Variants in GRM1 observed in about 807,000 individuals in gnomAD.
GRM1 encodes glutamate metabotropic receptor 1, also known as metabotropic glutamate receptor 1.
In GRM1, 33 loss-of-function variants were observed where a neutral mutation model predicts 90.9. The observed-to-expected ratio is 0.36, with a 90% CI of 0.28 to 0.49. The LOEUF (loss-of-function observed/expected upper bound fraction) is 0.49. Ranked by LOEUF, GRM1 falls within the 20% of genes least tolerant of loss-of-function variation. GRM1 has a pLI of 0.99. For missense variants in GRM1, 1,190 were observed against 1,534.3 expected, an observed-to-expected ratio of 0.78 and a Z score of 3.75; for synonymous variants, 700 against 613.2, an observed-to-expected ratio of 1.14 and a Z score of -2.09.
At chr6:146,312,360 A>G (rs1180019467) in intron 3 of GRM1, among the ~76,000 whole-genome samples, 1 of 148,190 alleles carries the variant, frequency 6.7e-6, no homozygotes, top group Middle Eastern at 3.4e-3. Context: ...AAAAAAAAAA[A>G]AAAAAAAAAA....
intron 7 of GRM1, among the ~76,000 whole-genome samples, chr6:146,416,704 C>A (rs1264741623): frequency 6.6e-6 from 1 of 152,130 alleles, no homozygotes; most frequent in East Asian, 1.9e-4. Flanking sequence ...AAAACTTGTT[C>A]TGCTTCACCT....
intron 3 of GRM1, among the ~76,000 whole-genome samples, chr6:146,332,460 C>T (rs1317949964): frequency 6.6e-6 from 1 of 152,134 alleles, no homozygotes; most frequent in Non-Finnish European, 1.5e-5. Flanking sequence ...TGTCTACATC[C>T]CTTTTCGTGC....
intron 2 of GRM1, among the ~76,000 whole-genome samples, chr6:146,292,537 T>G (rs1783022750): frequency 6.6e-6 from 1 of 151,908 alleles, no homozygotes; most frequent in African/African-American, 2.4e-5. Flanking sequence ...TCATTAGCCA[T>G]TACAAAAATG....
chr6:146,159,750 A>G, intron 2 of GRM1, 153 bp downstream of exon 2: 1 of 675,138 alleles, frequency 1.5e-6, no homozygotes. Flanking sequence ...GCTGAACATT[A>G]GTTCTGGATC....
intron 3 of GRM1, among the ~76,000 whole-genome samples, chr6:146,330,206 A>G (rs1562614364): frequency 1.3e-5 from 2 of 152,198 alleles, no homozygotes; most frequent in African/African-American, 4.8e-5. Context: ...GGAGGGAAAC[A>G]TAGTGAAGAT....
At chr6:146,161,708 A>G (rs1284827726) in intron 2 of GRM1, among the ~76,000 whole-genome samples, 1 of 152,228 alleles carries the variant, frequency 6.6e-6, no homozygotes, top group Non-Finnish European at 1.5e-5. Context: ...TGCCAAGTGA[A>G]GGAAAGTGTC....
chr6:146,043,743 T>G (rs1791201547), intron 1 of GRM1, among the ~76,000 whole-genome samples: 1 of 146,358 alleles, frequency 6.8e-6, no homozygotes, highest in African/African-American at 2.5e-5. Flanking sequence ...TTTTTATAAT[T>G]GTAAAATATC....
upstream of GRM1, among the ~76,000 whole-genome samples, chr6:146,028,021 C>A (rs1790553688): frequency 1.3e-5 from 2 of 152,142 alleles, no homozygotes; most frequent in South Asian, 4.1e-4. Flanking sequence ...CTGTGCTCTC[C>A]TCGCCCGCTC....
intron 6 of GRM1, among the ~76,000 whole-genome samples, chr6:146,397,484 G>GAA (rs577471775): frequency 8.2e-4 from 37 of 45,032 alleles, no homozygotes; most frequent in Non-Finnish European, 1.5e-3. Flanking sequence ...AAAAAAAAAA[G>GAA]AAAAAAAAAA....
At chr6:146,120,041 A>G (rs138604492) in intron 1 of GRM1, among the ~76,000 whole-genome samples, 2,232 of 152,244 alleles carry the variant, frequency 0.015, 26 homozygotes, top group South Asian at 0.028. Context: ...CAGTATGGCC[A>G]TTTTCACGAT....
At chr6:146,183,440 A>C (rs1436445715) in intron 2 of GRM1, among the ~76,000 whole-genome samples, 1 of 152,132 alleles carries the variant, frequency 6.6e-6, no homozygotes, top group African/African-American at 2.4e-5. Flanking sequence ...TCCACTTCCC[A>C]GCTCTTAGGA....
At chr6:146,394,663 C>G (rs1284673598) in intron 6 of GRM1, among the ~76,000 whole-genome samples, 1 of 151,972 alleles carries the variant, frequency 6.6e-6, no homozygotes, top group African/African-American at 2.4e-5. Flanking sequence ...TGAAAATGTC[C>G]TCATATCACT....
intron 2 of GRM1, among the ~76,000 whole-genome samples, chr6:146,162,869 G>T (rs546540546): frequency 1.8e-4 from 28 of 152,148 alleles, no homozygotes; most frequent in Non-Finnish European, 4.0e-4. Context: ...GCTATGCCAT[G>T]AAGCAATTAT....
chr6:146,354,590 G>T (rs189597661), intron 4 of GRM1, among the ~76,000 whole-genome samples: 1 of 152,034 alleles, frequency 6.6e-6, no homozygotes, highest in Admixed American at 6.5e-5. Flanking sequence ...ATATCCTTCT[G>T]CTTGCAATTG....
chr6:146,336,208 G>A (rs1784767046), intron 3 of GRM1, among the ~76,000 whole-genome samples: 1 of 152,120 alleles, frequency 6.6e-6, no homozygotes, highest in Admixed American at 6.5e-5. Flanking sequence ...TGAGCATTAT[G>A]GTGTAGTAGA....
intron 5 of GRM1, among the ~76,000 whole-genome samples, chr6:146,360,987 T>C (rs1775444200): frequency 6.6e-6 from 1 of 152,086 alleles, no homozygotes; most frequent in Non-Finnish European, 1.5e-5. Flanking sequence ...GGAGGAAGGA[T>C]GGGAGAGGAA....
intron 2 of GRM1, among the ~76,000 whole-genome samples, chr6:146,210,580 A>G (rs987848708): frequency 1.3e-5 from 2 of 152,102 alleles, no homozygotes; most frequent in Non-Finnish European, 2.9e-5. Context: ...TTGCAGGAAC[A>G]GGGATAGGAG....
chr6:146,212,455 G>A (rs1054233506), intron 2 of GRM1, among the ~76,000 whole-genome samples: 2 of 152,142 alleles, frequency 1.3e-5, no homozygotes, highest in African/African-American at 4.8e-5. Flanking sequence ...CGCGGGTTGG[G>A]TTTTCATCTG....
At chr6:146,294,983 TG>T (rs887670017) in intron 2 of GRM1, among the ~76,000 whole-genome samples, 1 of 148,178 alleles carries the variant, frequency 6.7e-6, no homozygotes, top group Non-Finnish European at 1.5e-5. Flanking sequence ...ATAGAAAGTC[TG>T]TTTTTTTTTA....
Sources: gnomAD v4.1 joint callset for allele counts (sites outside exome capture counted in the v4.1 genomes callset) on GRCh38, gnomAD v4.1.1 for gene constraint, MANE v1.5 for transcripts, NCBI Gene and HGNC (gene_info 2026-07-23, HGNC 2026-07-21) for gene names.